The following BICD1 variants were observed in gnomAD, a reference collection of about 807,000 sequenced individuals.
The protein encoded by BICD1 is BICD cargo adaptor 1.
In BICD1, 35 loss-of-function variants were observed where a neutral mutation model predicts 92.5. That is an observed-to-expected ratio of 0.38 (90% CI 0.29 to 0.50). The LOEUF is 0.50. Ranked by LOEUF, BICD1 falls within the 20% of genes least tolerant of loss-of-function variation. The pLI is 0.93. For missense variants in BICD1, 950 were observed against 1,189.8 expected, an observed-to-expected ratio of 0.80 and a Z score of 2.97; for synonymous variants, 429 against 465.1, an observed-to-expected ratio of 0.92 and a Z score of 1.00.
intron 1 of BICD1, among the ~76,000 whole-genome samples, chr12:32,203,424 C>T (rs1186440152): frequency 6.6e-6 from 1 of 152,050 alleles, no homozygotes; most frequent in Non-Finnish European, 1.5e-5. Flanking sequence ...AAATATGTGC[C>T]ATACATATGT....
intron 3 of BICD1, among the ~76,000 whole-genome samples, chr12:32,294,875 A>G (rs933661550): frequency 6.6e-6 from 1 of 151,972 alleles, no homozygotes; most frequent in African/African-American, 2.4e-5. Flanking sequence ...TGAGGTCAGG[A>G]GTTTGAGACC....
chr12:32,310,000 GC>G lies in BICD1; in HGVS notation c.1005+3880del, dbSNP rs541805301. On this transcript the variant is annotated intron_variant, in intron 4 of 9. Coordinates refer to ENST00000652176, the MANE Select transcript of BICD1 (RefSeq NM_001714.4). ...GGATCCAAAACACTGCATGGGAGAG[GC>G]CGCCTTGTGCCTCTAATCCAACAGC... is the stretch of plus-strand genomic sequence containing the variant. Among the ~76,000 whole-genome samples the G allele has an allele frequency of 5.2e-3, 795 of 152,200 alleles. 7 individuals carry two copies. Among genetic ancestry groups the G allele is most frequent in the Middle Eastern group, 0.014 (4 of 294 alleles).
chr12:32,235,952 C>T (rs1946058005), intron 2 of BICD1, among the ~76,000 whole-genome samples: 1 of 151,490 alleles, frequency 6.6e-6, no homozygotes, highest in Non-Finnish European at 1.5e-5. Context: ...CTGCCCTCGG[C>T]CTCCCAAAGT....
At chr12:32,323,918 G>A (rs10844184) in intron 4 of BICD1, among the ~76,000 whole-genome samples, 37,655 of 151,972 alleles carry the variant, frequency 0.25, 5,096 homozygotes, top group East Asian at 0.6. Flanking sequence ...AATATATATA[G>A]AAATGAAAAT....
intron 3 of BICD1, among the ~76,000 whole-genome samples, chr12:32,299,798 C>A (rs1947982228): frequency 6.6e-6 from 1 of 152,156 alleles, no homozygotes; most frequent in Non-Finnish European, 1.5e-5. Flanking sequence ...GGTGACATAG[C>A]AAGAGATCGG....
At chr12:32,364,012 TCACCA>T (rs1939431842) in intron 8 of BICD1, among the ~76,000 whole-genome samples, 1 of 147,758 alleles carries the variant, frequency 6.8e-6, no homozygotes, top group South Asian at 2.2e-4. Context: ...ACCATCACCA[TCACCA>T]TCACCACCAT....
Position 32,313,978 on chromosome 12 carries a change from T to C in BICD1, c.1005+7856T>C, listed in dbSNP as rs542336692. On this transcript the variant is annotated intron_variant, in intron 4 of 9. Transcript: ENST00000652176. This position sits in a 1 kb window ranked among gnomAD's most constrained non-coding sequence, Gnocchi z 4.2. The stretch of plus-strand genomic sequence containing the variant: ...CAGCCTAGGTGAAAGAGCGTGACCC[T>C]ATCAATAAATAAATAAAATAAAAAT... Among the ~76,000 whole-genome samples the C allele has an allele frequency of 1.8e-3, 269 of 152,292 alleles. 3 individuals carry two copies. The highest frequency in any genetic ancestry group is 6.2e-3 in the African/African-American group (256 of 41,566).
At chr12:32,318,510 G>T (rs1029419764) in intron 4 of BICD1, among the ~76,000 whole-genome samples, 1 of 152,114 alleles carries the variant, frequency 6.6e-6, no homozygotes, top group African/African-American at 2.4e-5. Flanking sequence ...TTGGCTCTCT[G>T]TTTGTCTGTT....
chr12:32,312,638 A>G (rs1948409939), intron 4 of BICD1, among the ~76,000 whole-genome samples: 1 of 152,224 alleles, frequency 6.6e-6, no homozygotes, highest in Admixed American at 6.5e-5. Flanking sequence ...ACTGAATTGT[A>G]TGCCTTCCTA....
intron 1 of BICD1, among the ~76,000 whole-genome samples, chr12:32,136,687 A>C (rs753307482): frequency 3.9e-5 from 6 of 152,202 alleles, no homozygotes; most frequent in Non-Finnish European, 7.3e-5. Flanking sequence ...GTATTGTAGC[A>C]ATGCAGGAGT....
intron 1 of BICD1, among the ~76,000 whole-genome samples, chr12:32,157,126 G>C (rs900852363): frequency 4.6e-5 from 7 of 152,166 alleles, no homozygotes; most frequent in Non-Finnish European, 8.8e-5. Context: ...AAAATTGGAT[G>C]TTAATGGTAC....
chr12:32,170,655 A>C (rs1057512620), intron 1 of BICD1, among the ~76,000 whole-genome samples: 1 of 152,202 alleles, frequency 6.6e-6, no homozygotes, highest in African/African-American at 2.4e-5. Context: ...ATGTGACCAA[A>C]ATTTGGCAAA....
intron 1 of BICD1, among the ~76,000 whole-genome samples, chr12:32,171,214 G>A (rs11051828): frequency 0.12 from 17,926 of 152,202 alleles, 1,371 homozygotes; most frequent in East Asian, 0.29. Context: ...GGCGACACAC[G>A]TCACGATCAG....
At chr12:32,183,838 C>T (rs1944351115) in intron 1 of BICD1, among the ~76,000 whole-genome samples, 1 of 152,134 alleles carries the variant, frequency 6.6e-6, no homozygotes, top group Admixed American at 6.6e-5. Flanking sequence ...GAACACAGGC[C>T]ATATAGGGGA....
chr12:32,256,907 C>A (rs1419463071), intron 2 of BICD1, among the ~76,000 whole-genome samples: 2 of 144,570 alleles, frequency 1.4e-5, no homozygotes, highest in East Asian at 1.9e-4. Context: ...CACTTAATTT[C>A]TTTTTAATGA....
intron 1 of BICD1, among the ~76,000 whole-genome samples, chr12:32,153,019 C>G (rs1943334193): frequency 6.6e-6 from 1 of 152,128 alleles, no homozygotes; most frequent in South Asian, 2.1e-4. Context: ...TCCCATCACC[C>G]AGACACTGAG....
intron 1 of BICD1, among the ~76,000 whole-genome samples, chr12:32,146,090 A>G (rs894746693): frequency 5.3e-5 from 8 of 152,228 alleles, no homozygotes; most frequent in African/African-American, 1.9e-4. Flanking sequence ...CATATGAACA[A>G]AGGCTCTCTC....
intron 4 of BICD1, among the ~76,000 whole-genome samples, chr12:32,319,943 T>C (rs1007805324): frequency 6.6e-6 from 1 of 152,196 alleles, no homozygotes; most frequent in African/African-American, 2.4e-5. Context: ...TGACTGACTT[T>C]TGTGTGTTAG....
intron 3 of BICD1, among the ~76,000 whole-genome samples, chr12:32,297,214 T>G (rs1268122753): frequency 2.6e-5 from 4 of 152,160 alleles, no homozygotes; most frequent in Non-Finnish European, 2.9e-5. Flanking sequence ...TTTGGTTTTT[T>G]GGGGTTTTCT....
Sources: allele counts gnomAD v4.1 joint callset (sites outside exome capture counted in the v4.1 genomes callset), GRCh38; gene constraint gnomAD v4.1.1; non-coding constraint Gnocchi (gnomAD v3.1); transcripts MANE v1.5; gene names NCBI Gene and HGNC (gene_info 2026-07-23, HGNC 2026-07-21).